The following GABBR2 variants were observed in gnomAD, a reference collection of about 807,000 sequenced individuals.
The protein encoded by GABBR2 is G-protein coupled receptor 51.
GABBR2 carries 23 observed loss-of-function variants against 105.6 expected under a neutral mutation model. That is an observed-to-expected ratio of 0.22 (90% CI 0.16 to 0.31). The LOEUF is 0.31. Among genes scored for constraint, GABBR2 ranks in the 10% least tolerant of loss-of-function variants. GABBR2 has a pLI of 1.00. For missense variants in GABBR2, 734 were observed against 1,245.5 expected, an observed-to-expected ratio of 0.59 and a Z score of 6.18; for synonymous variants, 478 against 499.7, an observed-to-expected ratio of 0.96 and a Z score of 0.58.
At chr9:98,617,647 T>C (rs540980314) in intron 1 of GABBR2, among the ~76,000 whole-genome samples, 16 of 152,318 alleles carry the variant, frequency 1.1e-4, no homozygotes, top group African/African-American at 3.8e-4. Flanking sequence ...TCTTTGGCCT[T>C]GATTCTCTGA....
At chr9:98,538,932 G>T (rs1018972741) in intron 3 of GABBR2, among the ~76,000 whole-genome samples, 3 of 152,182 alleles carry the variant, frequency 2.0e-5, no homozygotes, top group Non-Finnish European at 4.4e-5. Flanking sequence ...TAAATCAAGA[G>T]AGGTCCTTGC....
At chr9:98,501,864 G>T (rs898711268) in intron 3 of GABBR2, among the ~76,000 whole-genome samples, 1 of 152,198 alleles carries the variant, frequency 6.6e-6, no homozygotes, top group Middle Eastern at 3.2e-3. Context: ...TTGAGGGAAA[G>T]CCAGCAGTGG....
intron 3 of GABBR2, among the ~76,000 whole-genome samples, chr9:98,502,428 G>A (rs893677494): frequency 6.6e-6 from 1 of 152,182 alleles, no homozygotes; most frequent in Admixed American, 6.5e-5. Context: ...GCCGGGTACT[G>A]CCCTCTCTCT....
chr9:98,552,837 G>A (rs921156421), intron 2 of GABBR2, among the ~76,000 whole-genome samples: 1 of 152,072 alleles, frequency 6.6e-6, no homozygotes, highest in Non-Finnish European at 1.5e-5. Flanking sequence ...ATGCACAGCA[G>A]TTCAGCTTTT....
intron 7 of GABBR2, among the ~76,000 whole-genome samples, chr9:98,418,275 A>C (rs991248540): frequency 1.3e-5 from 2 of 152,136 alleles, no homozygotes; most frequent in East Asian, 3.9e-4. Flanking sequence ...ATGGTGGTTC[A>C]TGCCTGTAAT....
intron 17 of GABBR2, among the ~76,000 whole-genome samples, chr9:98,297,406 T>A (rs1830398700): frequency 6.6e-6 from 1 of 151,410 alleles, no homozygotes; most frequent in Non-Finnish European, 1.5e-5. Context: ...AGGTCAGGAG[T>A]TCGAGACCAG....
chr9:98,403,091 C>T (rs1053298464), intron 8 of GABBR2, among the ~76,000 whole-genome samples: 1 of 151,926 alleles, frequency 6.6e-6, no homozygotes. Context: ...GTCAGGAGTT[C>T]GAGACCAGCC....
At chr9:98,563,995 C>T (rs563418962) in intron 2 of GABBR2, among the ~76,000 whole-genome samples, 4 of 152,138 alleles carry the variant, frequency 2.6e-5, no homozygotes, top group African/African-American at 4.8e-5. Context: ...AACAACCAGT[C>T]GATCTATTTT....
chr9:98,432,915 G>A (rs1418167427), intron 7 of GABBR2, among the ~76,000 whole-genome samples: 4 of 152,172 alleles, frequency 2.6e-5, no homozygotes, highest in South Asian at 4.1e-4. Context: ...GTGTGAGCCC[G>A]AGGAGAGGAC....
chr9:98,319,008 C>T (rs1429631771), intron 13 of GABBR2, among the ~76,000 whole-genome samples: 3 of 151,924 alleles, frequency 2.0e-5, no homozygotes, highest in Non-Finnish European at 2.9e-5. Flanking sequence ...GTTCTCCTTT[C>T]CTGGGAAGGC....
chr9:98,646,419 G>A (rs1404615446), intron 1 of GABBR2, among the ~76,000 whole-genome samples: 2 of 152,154 alleles, frequency 1.3e-5, no homozygotes, highest in African/African-American at 4.8e-5. Flanking sequence ...TCCACCGGGA[G>A]AGGACTCCTG....
chr9:98,371,845 C>G (rs1831788479), intron 11 of GABBR2, among the ~76,000 whole-genome samples: 1 of 151,926 alleles, frequency 6.6e-6, no homozygotes, highest in Non-Finnish European at 1.5e-5. Flanking sequence ...AGAGGGAGAG[C>G]CACAGAGGGC....
At chr9:98,486,518 T>G (rs1827053651) in intron 4 of GABBR2, among the ~76,000 whole-genome samples, 1 of 152,180 alleles carries the variant, frequency 6.6e-6, no homozygotes, top group Non-Finnish European at 1.5e-5. Flanking sequence ...AGCTCGACCC[T>G]GAGCCTGACC....
chr9:98,429,624 T>C (rs1397346284), intron 7 of GABBR2, among the ~76,000 whole-genome samples: 1 of 152,154 alleles, frequency 6.6e-6, no homozygotes, highest in Non-Finnish European at 1.5e-5. Context: ...TAGGAAGATT[T>C]TCCAAGGTCA....
chr9:98,490,754 C>G (rs902493864), intron 4 of GABBR2, among the ~76,000 whole-genome samples: 1 of 152,250 alleles, frequency 6.6e-6, no homozygotes, highest in South Asian at 2.1e-4. Flanking sequence ...AAATGTGACA[C>G]CTGGAACTCT....
Position 98,702,521 on chromosome 9 carries a change from C to T in GABBR2, c.321+5896G>A, listed in dbSNP as rs1015977015. ...CACACCCATGTTCAAAGACATCGCA[C>T]GGCTCCTTGCAGCTCCAGATTAAAG... is the stretch of plus-strand genomic sequence containing the variant. On this transcript the variant is annotated intron_variant, in intron 1 of 18. Coordinates refer to ENST00000259455, the MANE Select transcript of GABBR2 (RefSeq NM_005458.8). 2.6e-5 allele frequency among the ~76,000 whole-genome samples: 4 copies of T among 152,180 alleles called. No individual in the cohort carries two copies. The South Asian group carries it at 6.2e-4, about 24-fold the overall frequency.
chr9:98,571,198 A>G (rs1365910335), intron 2 of GABBR2, among the ~76,000 whole-genome samples: 1 of 152,198 alleles, frequency 6.6e-6, no homozygotes, highest in African/African-American at 2.4e-5. Flanking sequence ...TCCTGCCAGC[A>G]GCCTGTACTG....
At position 98,293,800 on chromosome 9, in the gene GABBR2, A is replaced by G. The variant is rs1830338453; in HGVS notation, c.2645T>C (p.Ile882Thr). ...SRTCKDPIED[I>T]NSPEHIQRRL... ...AGGTACTTACTGTTCTGGAGAGTTT[A>G]TATCTTCTATAGGATCTTTGCATGT... The change falls in exon 18 of 19, where the codon ATA (isoleucine) becomes ACA (threonine). Residue 882 changes from isoleucine to threonine, a missense_variant. Coordinates refer to ENST00000259455, the MANE Select transcript of GABBR2 (RefSeq NM_005458.8). 1 of 1,567,108 alleles carries G rather than the reference A, an allele frequency of 6.4e-7. No homozygotes were observed. Among genetic ancestry groups the G allele is most frequent in the African/African-American group, 1.4e-5 (1 of 73,170 alleles).
rs75652667 is a variant in GABBR2 at position 98,390,446 on chromosome 9, T to C, written c.1379-1442A>G. Among the ~76,000 whole-genome samples, 766 of 148,152 alleles carry C rather than the reference T, an allele frequency of 5.2e-3. 10 individuals are homozygous for C. Among genetic ancestry groups the C allele is most frequent in the African/African-American group, 0.017 (691 of 39,694 alleles). On this transcript the variant is annotated intron_variant, in intron 9 of 18. Transcript: ENST00000259455. ...CAGTGGATTAAAAGAGTTTGAACCA[T>C]GTAAGAAATTTAGGAAAGTTTCCAG...
Sources: gnomAD v4.1 joint callset for allele counts (sites outside exome capture counted in the v4.1 genomes callset) on GRCh38, gnomAD v4.1.1 for gene constraint, MANE v1.5 for transcripts, NCBI Gene and HGNC (gene_info 2026-07-23, HGNC 2026-07-21) for gene names.